The following COL18A1 variants were observed in gnomAD, a reference collection of about 807,000 sequenced individuals.
COL18A1 encodes collagen type XVIII alpha 1 chain.
In COL18A1, 133 loss-of-function variants were observed where a neutral mutation model predicts 168.0. The observed-to-expected ratio is 0.79, with a 90% CI of 0.69 to 0.91. The LOEUF (loss-of-function observed/expected upper bound fraction) is 0.91. Among genes scored for constraint, COL18A1 ranks in the 40% least tolerant of loss-of-function variants. The pLI is 0.00. For synonymous variants in COL18A1, 949 were observed against 809.0 expected (o/e 1.17, Z -2.94); for missense variants, 2,126 against 1,925.4 (o/e 1.10, Z -1.95).
intron 2 of COL18A1, among the ~76,000 whole-genome samples, chr21:45,437,482 ACACTCACACT>A (rs1441069073): frequency 1.2e-5 from 1 of 81,678 alleles, no homozygotes; most frequent in Non-Finnish European, 2.4e-5. Context: ...TCTCCTGCAC[ACACTCACACT>A]CACACACAGG....
chr21:45,476,384 C>T lies in COL18A1; in HGVS notation c.832C>T (p.Pro278Ser). Reference protein sequence around the residue: ...AALKPRLPAPPPVTTPPLAGG... With the variant: ...AALKPRLPAPSPVTTPPLAGG... ...CCTAAAACCCAGGCTCCCCGCGCCA[C>T]CCCCCGTCACCACGCCACCCTTGGC... Residue 278 changes from proline (P) to serine (S), a missense_variant, in exon 6 of 42, where the codon CCC becomes TCC. Pro to Ser is a moderately conservative substitution (Grantham distance 74). Transcript: ENST00000651438. 1.9e-6 allele frequency: 3 copies of T among 1,613,940 alleles called. No individual in the cohort carries two copies. The highest frequency in any genetic ancestry group is 2.5e-6 in the Non-Finnish European group (3 of 1,179,916).
intron 2 of COL18A1, among the ~76,000 whole-genome samples, chr21:45,410,845 C>T (rs578150933): frequency 2.6e-5 from 4 of 152,314 alleles, no homozygotes; most frequent in East Asian, 3.9e-4. Flanking sequence ...ATCTTGGTGG[C>T]GGCTTCACGC....
chr21:45,450,923 A>G (rs1388528362), intron 2 of COL18A1, among the ~76,000 whole-genome samples: 2 of 152,038 alleles, frequency 1.3e-5, no homozygotes, highest in Non-Finnish European at 2.9e-5. Flanking sequence ...GAGGACACAC[A>G]CTCCATGGTG....
In COL18A1 at chr21:45,471,005, C is replaced by T. The variant is rs1308437704; in HGVS notation, c.651+2219C>T. Among the ~76,000 whole-genome samples, 2 of 145,208 alleles carry T rather than the reference C, an allele frequency of 1.4e-5. No homozygotes were observed. The highest frequency in any genetic ancestry group is 6.8e-5 in the Admixed American group (1 of 14,790). On this transcript the variant is annotated intron_variant, in intron 3 of 41. Coordinates refer to ENST00000651438, the MANE Select transcript of COL18A1 (RefSeq NM_001379500.1). The surrounding 1 kb of genome is among the most constrained non-coding windows in gnomAD (Gnocchi z 4.4). ...GCGCTACAGGCTTCGTGCTGCTGGG[C>T]CTGGGTGGCGTGCTACGGGCTTGTG...
chr21:45,509,767 G>C (rs995608398), intron 39 of COL18A1, among the ~76,000 whole-genome samples, 166 bp downstream of exon 39: 1 of 152,206 alleles, frequency 6.6e-6, no homozygotes, highest in East Asian at 1.9e-4. Flanking sequence ...CCTGGGACTT[G>C]CCCTCTGGTG....
In COL18A1 at chr21:45,468,065, A is replaced by T. The variant is rs7279077; in HGVS notation, c.107-177A>T. On this transcript the variant is annotated intron_variant, in intron 2 of 41. Transcript: ENST00000651438. ...CCTGTCGTTTGGGAATGAGTGAACC[A>T]GGGTGGCCGTTGGGTGGCTGAGCCC... Among the ~76,000 whole-genome samples, 33,465 of 152,182 alleles carry T rather than the reference A, an allele frequency of 0.22. 5,068 individuals carry two copies. Among genetic ancestry groups the T allele is most frequent in the African/African-American group, 0.43 (17,697 of 41,490 alleles).
intron 29 of COL18A1, chr21:45,495,806 T>C (rs1039202523): frequency 2.9e-6 from 1 of 344,082 alleles, no homozygotes; most frequent in Non-Finnish European, 5.7e-6. Flanking sequence ...TTCATGCATA[T>C]ACGAGCCTGT....
chr21:45,512,426 AGGACCGGCGGCTCGGAGG>A lies in COL18A1; in HGVS notation c.*29_*46del. Reference sequence around the variant, plus strand: ...ACCGCCTGGATGCGGATGGCCGGAGAGGACCGGCGGCTCGGAGGAAGCCCCCACCGTGGGCAGGGAGCG... The same window carrying A: ...ACCGCCTGGATGCGGATGGCCGGAGAAAGCCCCCACCGTGGGCAGGGAGCG... On this transcript the variant is annotated 3_prime_UTR_variant, in exon 42 of 42. Coordinates refer to ENST00000651438, the MANE Select transcript of COL18A1 (RefSeq NM_001379500.1). The A allele has an allele frequency of 6.2e-7, 1 of 1,604,118 alleles. No individual in the cohort carries two copies. The highest frequency in any genetic ancestry group is 8.5e-7 in the Non-Finnish European group (1 of 1,176,034).
intron 2 of COL18A1, among the ~76,000 whole-genome samples, chr21:45,460,811 T>C (rs1274514898): frequency 6.6e-6 from 1 of 152,216 alleles, no homozygotes. Context: ...AAATTCTCCA[T>C]GCCTCTTAGA....
intron 28 of COL18A1, 164 bp from the exon 29 acceptor site, chr21:45,495,194 C>A: frequency 1.5e-6 from 1 of 687,776 alleles, no homozygotes; most frequent in South Asian, 1.6e-5. Context: ...GGTCCTTGTG[C>A]AGGAAAGGGG....
chr21:45,487,744 T>C (rs1367762590), intron 17 of COL18A1: 3 of 669,054 alleles, frequency 4.5e-6, no homozygotes, highest in African/African-American at 1.8e-5. Flanking sequence ...TGGGAGACAC[T>C]GTGAGTGGTC....
chr21:45,467,160 C>T, intron 2 of COL18A1: 1 of 881,450 alleles, frequency 1.1e-6, no homozygotes, highest in Non-Finnish European at 1.4e-6. Context: ...GGAAGTCACT[C>T]TGAGCAGGGT....
intron 2 of COL18A1, among the ~76,000 whole-genome samples, chr21:45,450,247 A>G (rs1260190652): frequency 6.6e-6 from 1 of 152,160 alleles, no homozygotes; most frequent in East Asian, 1.9e-4. Flanking sequence ...TCGGGCGAGC[A>G]TCTGGGGGCA....
intron 2 of COL18A1, among the ~76,000 whole-genome samples, chr21:45,462,297 G>A (rs1316123693): frequency 6.6e-6 from 1 of 152,098 alleles, no homozygotes; most frequent in East Asian, 1.9e-4. Flanking sequence ...TTATATTCAT[G>A]TCTCCCAACA....
chr21:45,493,074 G>T (rs890507718), intron 24 of COL18A1, 89 bp from the exon 25 acceptor site: 7 of 1,326,626 alleles, frequency 5.3e-6, no homozygotes, highest in Middle Eastern at 2.4e-4. Context: ...GGCATATTGC[G>T]GGGGGCAGCT....
intron 2 of COL18A1, among the ~76,000 whole-genome samples, chr21:45,437,452 A>T (rs1156467042): frequency 1.5e-5 from 1 of 64,738 alleles, no homozygotes; most frequent in Non-Finnish European, 2.7e-5. Flanking sequence ...ACACTCACTC[A>T]CAGACAGACA....
At chr21:45,437,936 ACACACT>A (rs1299292306) in intron 2 of COL18A1, among the ~76,000 whole-genome samples, 2 of 70,582 alleles carry the variant, frequency 2.8e-5, no homozygotes, top group Non-Finnish European at 4.9e-5. Context: ...ACACACACAC[ACACACT>A]CAGACACACA....
At chr21:45,492,811 C>CA in intron 24 of COL18A1, 98 bp downstream of exon 24, 3 of 941,616 alleles carry the variant, frequency 3.2e-6, no homozygotes, top group Non-Finnish European at 5.1e-6. Flanking sequence ...TGGGCCTTGT[C>CA]AGGCCCGAGG....
chr21:45,465,627 G>A (rs779950304), intron 2 of COL18A1, among the ~76,000 whole-genome samples: 4 of 152,156 alleles, frequency 2.6e-5, no homozygotes, highest in Non-Finnish European at 5.9e-5. Flanking sequence ...GGGCACGAGC[G>A]GCCCTGGCTC....
Sources: allele counts gnomAD v4.1 joint callset (sites outside exome capture counted in the v4.1 genomes callset), GRCh38; gene constraint gnomAD v4.1.1; non-coding constraint Gnocchi (gnomAD v3.1); transcripts MANE v1.5; gene names NCBI Gene and HGNC (gene_info 2026-07-23, HGNC 2026-07-21).